TENM2: variants seen among roughly 807,000 people sequenced by gnomAD.
TENM2 encodes the protein teneurin-2.
TENM2 carries 52 observed loss-of-function variants against 245.2 expected under a neutral mutation model. That is an observed-to-expected ratio of 0.21 (90% CI 0.17 to 0.27). The LOEUF (loss-of-function observed/expected upper bound fraction) is 0.27, where lower values mean the gene tolerates loss of function less well. Among genes scored for constraint, TENM2 ranks in the 10% least tolerant of loss-of-function variants. TENM2 has a pLI of 1.00. For synonymous variants in TENM2, 1,363 were observed against 1,438.9 expected (o/e 0.95, Z 1.19); for missense variants, 3,046 against 3,666.8 (o/e 0.83, Z 4.37).
chr5:167,576,014 T>C (rs557230156), intron 2 of TENM2, among the ~76,000 whole-genome samples: 47 of 152,304 alleles, frequency 3.1e-4, no homozygotes, highest in African/African-American at 1.1e-3. Flanking sequence ...GTTGAAGGGA[T>C]GGGCCAAGAG....
chr5:167,887,955 C>A (rs570892807), intron 3 of TENM2, among the ~76,000 whole-genome samples: 20 of 152,274 alleles, frequency 1.3e-4, no homozygotes, highest in Non-Finnish European at 2.1e-4. Flanking sequence ...TAACTCCAGT[C>A]CCTGCCTCCA....
At chr5:167,850,788 CA>C (rs1403243637) in intron 2 of TENM2, among the ~76,000 whole-genome samples, 2 of 152,162 alleles carry the variant, frequency 1.3e-5, no homozygotes, top group African/African-American at 4.8e-5. Context: ...CCTGGACCCT[CA>C]ACCAGTATCC....
intron 3 of TENM2, among the ~76,000 whole-genome samples, chr5:167,899,549 G>C (rs960817322): frequency 1.3e-5 from 2 of 152,230 alleles, no homozygotes; most frequent in African/African-American, 4.8e-5. Context: ...TGAGGTAACA[G>C]AGATTTTAGG....
chr5:168,034,339 TAA>T (rs5873085), intron 5 of TENM2, among the ~76,000 whole-genome samples: 25 of 119,614 alleles, frequency 2.1e-4, no homozygotes, highest in Admixed American at 2.5e-4. Context: ...AGACTCCGTC[TAA>T]AAAAAAAAAA....
intron 2 of TENM2, among the ~76,000 whole-genome samples, chr5:167,746,548 A>T (rs1176352565): frequency 6.6e-6 from 1 of 152,144 alleles, no homozygotes; most frequent in African/African-American, 2.4e-5. Flanking sequence ...CGTGGAACCA[A>T]CTGCACATAT....
intron 2 of TENM2, among the ~76,000 whole-genome samples, chr5:167,378,525 T>C (rs2127323984): frequency 6.6e-6 from 1 of 152,236 alleles, no homozygotes; most frequent in East Asian, 1.9e-4. Context: ...TTCAGGTTCT[T>C]TAATCCTATC....
intron 2 of TENM2, among the ~76,000 whole-genome samples, chr5:167,848,759 T>C (rs1018432198): frequency 2.6e-5 from 4 of 152,222 alleles, no homozygotes; most frequent in Admixed American, 6.5e-5. Flanking sequence ...TTATGGTTGA[T>C]TTAAAAACTG....
intron 25 of TENM2, among the ~76,000 whole-genome samples, chr5:168,242,637 G>A (rs538641012): frequency 1.9e-4 from 29 of 152,048 alleles, no homozygotes; most frequent in Admixed American, 5.9e-4. Flanking sequence ...GTATATATTC[G>A]TCCTCAGCAT....
chr5:167,695,667 CATTTT>C lies in TENM2; in HGVS notation c.503-180312_503-180308del, dbSNP rs371687015. Among the ~76,000 whole-genome samples the C allele has an allele frequency of 1.1e-3, 166 of 150,858 alleles. 1 individual carries two copies. Among genetic ancestry groups the C allele is most frequent in the African/African-American group, 4.0e-3 (163 of 41,110 alleles). On this transcript the variant is annotated intron_variant, in intron 2 of 28. Transcript: ENST00000518659. ...TGAACTTTTTACATTTTATTTTAAA[CATTTT>C]ATTTTACCCTCTATCTGTGGCTACT...
chr5:168,133,071 G>A (rs190655983), intron 12 of TENM2, among the ~76,000 whole-genome samples: 12 of 152,236 alleles, frequency 7.9e-5, no homozygotes, highest in Admixed American at 3.9e-4. Context: ...AAGCCTTCCC[G>A]ACCTCAATTT....
At chr5:167,479,137 C>T (rs1171470969) in intron 2 of TENM2, among the ~76,000 whole-genome samples, 1 of 152,098 alleles carries the variant, frequency 6.6e-6, no homozygotes, top group African/African-American at 2.4e-5. Context: ...TCCAAGGACA[C>T]ACAGTTAGAA....
intron 2 of TENM2, among the ~76,000 whole-genome samples, chr5:167,785,973 C>T (rs1489735307): frequency 6.6e-6 from 1 of 152,122 alleles, no homozygotes; most frequent in Non-Finnish European, 1.5e-5. Flanking sequence ...TCATCTTTAT[C>T]CTAAAACCTG....
intron 2 of TENM2, among the ~76,000 whole-genome samples, chr5:167,746,862 A>C (rs1214097069): frequency 6.6e-6 from 1 of 152,116 alleles, no homozygotes; most frequent in Non-Finnish European, 1.5e-5. Flanking sequence ...ACACACATAA[A>C]ATCTTCCTGG....
At chr5:167,203,101 C>T in the TENM2 span, among the ~76,000 whole-genome samples, 1 of 152,306 alleles carries the variant, frequency 6.6e-6, no homozygotes, top group African/African-American at 2.4e-5. Flanking sequence ...TGCTACCCTA[C>T]AATATTGCCT....
At chr5:167,905,436 G>A (rs542812747) in intron 3 of TENM2, among the ~76,000 whole-genome samples, 5 of 152,200 alleles carry the variant, frequency 3.3e-5, no homozygotes, top group South Asian at 4.1e-4. Flanking sequence ...ATACCAGCTC[G>A]TAACAGTGGC....
chr5:168,228,394 T>A (rs931049717), intron 25 of TENM2, among the ~76,000 whole-genome samples: 14 of 152,226 alleles, frequency 9.2e-5, no homozygotes, highest in African/African-American at 3.1e-4. Context: ...TTCCTAGGAC[T>A]GAAAAAGGCG....
At chr5:167,591,892 T>C (rs1387964372) in intron 2 of TENM2, among the ~76,000 whole-genome samples, 1 of 152,184 alleles carries the variant, frequency 6.6e-6, no homozygotes, top group Non-Finnish European at 1.5e-5. Context: ...AAGTAACAAT[T>C]TCATAATGCT....
At chr5:167,221,391 G>A in the TENM2 span, among the ~76,000 whole-genome samples, 2 of 152,202 alleles carry the variant, frequency 1.3e-5, no homozygotes, top group African/African-American at 4.8e-5. Flanking sequence ...AACTGACCTA[G>A]TAAGGTTAGT....
intron 27 of TENM2, among the ~76,000 whole-genome samples, chr5:168,258,170 G>A (rs1275586836): frequency 2.6e-5 from 4 of 152,196 alleles, no homozygotes; most frequent in South Asian, 4.1e-4. Flanking sequence ...AAAACTTTGT[G>A]CAGGAATGTT....
Sources: gnomAD v4.1 joint callset for allele counts (sites outside exome capture counted in the v4.1 genomes callset) on GRCh38, gnomAD v4.1.1 for gene constraint, MANE v1.5 for transcripts, NCBI Gene and HGNC (gene_info 2026-07-23, HGNC 2026-07-21) for gene names.